Variants in HMCN1 observed in about 807,000 individuals in gnomAD.
HMCN1 encodes the protein hemicentin-1.
HMCN1 carries 321 observed loss-of-function variants against 625.9 expected under a neutral mutation model. That is an observed-to-expected ratio of 0.51 (90% CI 0.47 to 0.56). The LOEUF (loss-of-function observed/expected upper bound fraction) is 0.56, where lower values mean the gene tolerates loss of function less well. HMCN1 is among the 20% of genes least tolerant of loss of function. The pLI is 0.00. For missense variants in HMCN1, 6,588 were observed against 6,887.3 expected, an observed-to-expected ratio of 0.96 and a Z score of 1.54; for synonymous variants, 2,425 against 2,417.6, an observed-to-expected ratio of 1.00 and a Z score of -0.09.
intron 1 of HMCN1, among the ~76,000 whole-genome samples, chr1:185,818,969 G>A (rs947237926): frequency 3.1e-4 from 47 of 151,074 alleles, no homozygotes; most frequent in Non-Finnish European, 8.8e-5. Flanking sequence ...CTGTTACCTG[G>A]AAGCCATGCC....
At chr1:185,806,120 A>G (rs558066921) in intron 1 of HMCN1, among the ~76,000 whole-genome samples, 68 of 152,188 alleles carry the variant, frequency 4.5e-4, no homozygotes, top group African/African-American at 1.6e-3. Context: ...AGCTTGTTAC[A>G]TATTATAGTT....
chr1:186,135,119 G>A (rs1047825100), intron 86 of HMCN1, among the ~76,000 whole-genome samples: 5 of 152,050 alleles, frequency 3.3e-5, no homozygotes, highest in Admixed American at 2.6e-4. Context: ...TCCCAATGAA[G>A]TCTGTCATAT....
Position 186,151,222 on chromosome 1 carries a change from A to C in HMCN1, c.14631A>C (p.Gly4877=). 1 of 1,613,668 alleles carries C rather than the reference A, an allele frequency of 6.2e-7. No individual in the cohort carries two copies. Among genetic ancestry groups the C allele is most frequent in the East Asian group, 2.2e-5 (1 of 44,850 alleles). Residue 4877 remains glycine, a synonymous_variant, in exon 94 of 107, where the codon GGA becomes GGC. Coordinates refer to ENST00000271588, the MANE Select transcript of HMCN1 (RefSeq NM_031935.3). ...TAGGTGGGCCCCAGCGAGCCAGAGG[A>C]AGTGTTATTGGAAATATTAATGATG... ...ACPGGPQRAR[G]SVIGNINDVE... is the part of the protein sequence containing the mutation.
intron 100 of HMCN1, among the ~76,000 whole-genome samples, chr1:186,170,534 CAT>C (rs1418783232): frequency 9.9e-5 from 15 of 152,208 alleles, no homozygotes; most frequent in African/African-American, 3.6e-4. Flanking sequence ...ATAGTAAAGA[CAT>C]AGAACCAACC....
At chr1:185,957,440 T>C (rs1649707348) in intron 11 of HMCN1, among the ~76,000 whole-genome samples, 1 of 152,108 alleles carries the variant, frequency 6.6e-6, no homozygotes. Flanking sequence ...GAAGGGGACG[T>C]TTTTATATAT....
chr1:186,066,989 G>A (rs1468260935), intron 49 of HMCN1, among the ~76,000 whole-genome samples: 3 of 152,026 alleles, frequency 2.0e-5, no homozygotes, highest in Non-Finnish European at 4.4e-5. Flanking sequence ...TGCTTGTCGG[G>A]CATTTCCACC....
intron 74 of HMCN1, 71 bp from the exon 75 acceptor site, chr1:186,115,187 C>T: frequency 6.4e-7 from 1 of 1,567,888 alleles, no homozygotes; most frequent in Non-Finnish European, 8.8e-7. Flanking sequence ...AATTTCAGTT[C>T]AGCAGAAATA....
chr1:185,839,067 A>T (rs761637784), intron 1 of HMCN1, among the ~76,000 whole-genome samples: 1 of 152,220 alleles, frequency 6.6e-6, no homozygotes, highest in East Asian at 1.9e-4. Context: ...GGAAACAATC[A>T]AAGCTGAAGT....
chr1:185,852,452 A>G (rs1662220063), intron 2 of HMCN1, among the ~76,000 whole-genome samples: 1 of 151,974 alleles, frequency 6.6e-6, no homozygotes, highest in African/African-American at 2.4e-5. Flanking sequence ...ATGGACATAG[A>G]TATAATGTAG....
chr1:186,014,789 C>A (rs1654250306), intron 30 of HMCN1, among the ~76,000 whole-genome samples: 1 of 152,056 alleles, frequency 6.6e-6, no homozygotes, highest in South Asian at 2.1e-4. Context: ...ACAGTTGTAC[C>A]ACATGTGACA....
intron 11 of HMCN1, among the ~76,000 whole-genome samples, chr1:185,948,830 A>G (rs1668486530): frequency 6.6e-6 from 1 of 151,612 alleles, no homozygotes; most frequent in Non-Finnish European, 1.5e-5. Flanking sequence ...AGAATGGGCG[A>G]TGTTTCTCAG....
rs183860867 is a variant in HMCN1 at position 186,024,606 on chromosome 1, A to T, written c.5749+1453A>T. Among the ~76,000 whole-genome samples, 10 of 152,308 alleles carry T rather than the reference A, an allele frequency of 6.6e-5. No individual in the cohort carries two copies. In the East Asian group the frequency reaches 1.7e-3, roughly 26 times the overall value. On this transcript the variant is annotated intron_variant, in intron 36 of 106. Coordinates refer to ENST00000271588, the MANE Select transcript of HMCN1 (RefSeq NM_031935.3). ...TGGTTTAAATTCTATGCTAAACATG[A>T]TGTATGTTACCTTGAGTAAACTACT...
chr1:186,077,467 G>C (rs183666852), intron 54 of HMCN1, among the ~76,000 whole-genome samples: 7 of 152,098 alleles, frequency 4.6e-5, no homozygotes, highest in Non-Finnish European at 7.4e-5. Context: ...GGATTTATGA[G>C]TATTTTAGGG....
chr1:185,924,719 C>T (rs565174191), intron 8 of HMCN1, among the ~76,000 whole-genome samples: 1 of 151,968 alleles, frequency 6.6e-6, no homozygotes, highest in African/African-American at 2.4e-5. Context: ...GAAATAAAAA[C>T]ATATTCTAAA....
At chr1:185,930,427 G>A (rs1667484594) in intron 10 of HMCN1, among the ~76,000 whole-genome samples, 1 of 152,104 alleles carries the variant, frequency 6.6e-6, no homozygotes, top group Admixed American at 6.6e-5. Context: ...CCACCCCACT[G>A]TAACTACTTA....
At chr1:186,028,198 A>C (rs1037800120) in intron 36 of HMCN1, among the ~76,000 whole-genome samples, 1 of 152,090 alleles carries the variant, frequency 6.6e-6, no homozygotes, top group Non-Finnish European at 1.5e-5. Context: ...ACAATGTGTC[A>C]AGAAGAAGGT....
intron 1 of HMCN1, among the ~76,000 whole-genome samples, chr1:185,777,628 T>G (rs1472064146): frequency 6.6e-6 from 1 of 152,168 alleles, no homozygotes; most frequent in Admixed American, 6.5e-5. Context: ...ATTTTTGTAT[T>G]TTTAGTAGAG....
chr1:185,770,122 A>G (rs955831665), intron 1 of HMCN1, among the ~76,000 whole-genome samples: 16 of 152,130 alleles, frequency 1.1e-4, no homozygotes, highest in Non-Finnish European at 1.8e-4. Flanking sequence ...TACATTTTAT[A>G]ATGCGGAGAA....
chr1:185,961,601 C>A (rs1650030067), intron 11 of HMCN1, among the ~76,000 whole-genome samples: 2 of 152,182 alleles, frequency 1.3e-5, no homozygotes, highest in African/African-American at 2.4e-5. Flanking sequence ...CTTAATATCT[C>A]TTTGATGGTA....
Sources: gnomAD v4.1 joint callset for allele counts (sites outside exome capture counted in the v4.1 genomes callset) on GRCh38, gnomAD v4.1.1 for gene constraint, MANE v1.5 for transcripts, NCBI Gene and HGNC (gene_info 2026-07-23, HGNC 2026-07-21) for gene names.